DMD: variants seen among roughly 807,000 people sequenced by gnomAD.
The protein encoded by DMD is dystrophin.
In DMD, 63 loss-of-function variants were observed where a neutral mutation model predicts 330.1. The observed-to-expected ratio is 0.19, with a 90% confidence interval of 0.16 to 0.24. The LOEUF (loss-of-function observed/expected upper bound fraction) is 0.24. Ranked by LOEUF, DMD falls within the 10% of genes least tolerant of loss-of-function variation. The pLI, the probability that DMD is intolerant of heterozygous loss-of-function variation, is 1.00. For synonymous variants in DMD, 1,223 were observed against 959.8 expected (o/e 1.27, Z -5.07); for missense variants, 3,344 against 2,684.1 (o/e 1.25, Z -5.43).
intron 29 of DMD, among the ~76,000 whole-genome samples, chrX:32,413,863 G>A (rs1241700196): frequency 9.1e-6 from 1 of 109,392 alleles, no homozygotes; most frequent in Non-Finnish European, 1.9e-5. Context: ...TGGGATTACA[G>A]GTACCTGCCA....
At chrX:31,348,354 T>C in intron 61 of DMD, 3 of 455,210 alleles carry the variant, frequency 6.6e-6, no homozygotes, top group Non-Finnish European at 1.2e-5. Flanking sequence ...AGCTGAAGAC[T>C]GGACAAAATG....
intron 2 of DMD, among the ~76,000 whole-genome samples, chrX:32,967,841 T>C (rs763369070): frequency 8.9e-6 from 1 of 111,943 alleles, no homozygotes; most frequent in South Asian, 3.7e-4. Context: ...AAGTTGCTGG[T>C]TGTAGAATAT....
chrX:32,412,319 G>A (rs1160496829), intron 29 of DMD: 1 of 717,934 alleles, frequency 1.4e-6, no homozygotes, highest in Admixed American at 3.1e-5. Flanking sequence ...ATTCAAGACA[G>A]ATAATCTGCT....
chrX:31,745,085 GGA>G, intron 51 of DMD, among the ~76,000 whole-genome samples: 1 of 111,648 alleles, frequency 9.0e-6, no homozygotes, highest in East Asian at 2.8e-4. Context: ...ATTTTATATG[GGA>G]CCAGGTTCAG....
At position 32,518,053 on chromosome X, in the gene DMD, G is replaced by T. The variant is rs745778664; in HGVS notation, c.2247C>A (p.Ile749=). The T allele has an allele frequency of 5.8e-6, 7 of 1,208,215 alleles. No individual in the cohort carries two copies. The African/African-American group carries it at 8.8e-5, about 15-fold the overall frequency. The change falls in exon 18 of 79, where the codon ATC becomes ATA. Residue 749 remains isoleucine, a synonymous_variant. Coordinates refer to ENST00000357033, the MANE Select transcript of DMD (RefSeq NM_004006.3). ...CTGAGAAGTTGCCTTCCTTCCGAAA[G>T]ATTGCAAATTCAGGACTCTGCAACA... is the stretch of plus-strand genomic sequence containing the variant. The part of the protein sequence containing the change: ...EAVLQSPEFA[I]FRKEGNFSDL...
chrX:31,786,973 A>G (rs1181470171), intron 50 of DMD, among the ~76,000 whole-genome samples: 1 of 112,186 alleles, frequency 8.9e-6, no homozygotes. Flanking sequence ...TTGCCAAGGA[A>G]TCTCATCTCT....
intron 37 of DMD, among the ~76,000 whole-genome samples, chrX:32,349,500 G>A (rs1603631383): frequency 9.0e-6 from 1 of 111,239 alleles, no homozygotes; most frequent in East Asian, 2.8e-4. Context: ...TGACCCCCGT[G>A]TCTTTTGCCA....
At chrX:33,303,198 T>C (rs765568658) in intron 1 of DMD, among the ~76,000 whole-genome samples, 136 of 111,740 alleles carry the variant, frequency 1.2e-3, no homozygotes, top group African/African-American at 4.3e-3. Context: ...ATTTTGGCAA[T>C]GATGAATAAA....
At chrX:31,217,111 G>C (rs1176740648) in intron 64 of DMD, among the ~76,000 whole-genome samples, 1 of 97,096 alleles carries the variant, frequency 1.0e-5, no homozygotes, top group African/African-American at 4.1e-5. Flanking sequence ...CACACCTGTA[G>C]AATGTCATCA....
At chrX:32,675,745 C>G (rs1395123529) in intron 9 of DMD, among the ~76,000 whole-genome samples, 1 of 111,562 alleles carries the variant, frequency 9.0e-6, no homozygotes, top group Non-Finnish European at 1.9e-5. Flanking sequence ...GATTTCTTAA[C>G]CAGCTTATCA....
At chrX:31,814,204 G>A (rs1471175) in intron 50 of DMD, among the ~76,000 whole-genome samples, 27,058 of 109,432 alleles carry the variant, frequency 0.25, 2,435 homozygotes, top group Middle Eastern at 0.28. Context: ...ACTCTGGGCC[G>A]GGCGCGGTGG....
At chrX:31,396,744 C>T (rs1260395404) in intron 60 of DMD, among the ~76,000 whole-genome samples, 1 of 111,248 alleles carries the variant, frequency 9.0e-6, no homozygotes. Context: ...AACGCATGGG[C>T]ATATGTATAG....
intron 63 of DMD, among the ~76,000 whole-genome samples, chrX:31,239,513 C>A (rs1199536295): frequency 1.8e-5 from 2 of 111,197 alleles, no homozygotes; most frequent in African/African-American, 6.5e-5. Context: ...GTCTTTTTCT[C>A]CCCAAGTGTG....
At chrX:32,410,265 T>C (rs2098136271) in intron 30 of DMD, among the ~76,000 whole-genome samples, 1 of 111,560 alleles carries the variant, frequency 9.0e-6, no homozygotes, top group Non-Finnish European at 1.9e-5. Context: ...GAGGATTTTA[T>C]CATCAGGATT....
chrX:32,775,682 C>G (rs957216249), intron 7 of DMD, among the ~76,000 whole-genome samples: 1 of 112,902 alleles, frequency 8.9e-6, no homozygotes, highest in African/African-American at 3.2e-5. Context: ...TTGGGCCTGG[C>G]CCACCAAACC....
intron 44 of DMD, among the ~76,000 whole-genome samples, chrX:32,051,237 G>C (rs2096112362): frequency 1.8e-5 from 2 of 110,352 alleles, no homozygotes; most frequent in Admixed American, 9.7e-5. Flanking sequence ...TCTGTGTCTA[G>C]TCATCTCTGT....
chrX:31,915,749 C>T (rs947023343), intron 47 of DMD, among the ~76,000 whole-genome samples: 1 of 111,486 alleles, frequency 9.0e-6, no homozygotes, highest in Admixed American at 9.5e-5. Flanking sequence ...GATACTGTGT[C>T]AATATTACGT....
At chrX:32,680,016 G>T (rs1428505383) in intron 9 of DMD, among the ~76,000 whole-genome samples, 1 of 95,645 alleles carries the variant, frequency 1.0e-5, no homozygotes, top group East Asian at 4.0e-4. Context: ...TGGGGTTCAA[G>T]CGATTCTCCT....
At position 32,612,212 on chromosome X, in the gene DMD, G is replaced by T. The variant is rs149879371; in HGVS notation, c.1482+2091C>A. Among the ~76,000 whole-genome samples the T allele has an allele frequency of 1.6e-3, 179 of 111,264 alleles. 2 individuals carry two copies. The East Asian group carries it at 0.02, about 12-fold the overall frequency. On this transcript the variant is annotated intron_variant, in intron 12 of 78. Coordinates refer to ENST00000357033, the MANE Select transcript of DMD (RefSeq NM_004006.3). ...ATACCTTAGAAATGTCCCACTATGG[G>T]ACAAAGATTCTACAGGATTTCTCTA...
Sources: allele counts gnomAD v4.1 joint callset (sites outside exome capture counted in the v4.1 genomes callset), GRCh38; gene constraint gnomAD v4.1.1; transcripts MANE v1.5; gene names NCBI Gene and HGNC (gene_info 2026-07-23, HGNC 2026-07-21).